The following NHSL2 variants were observed in gnomAD, a reference collection of about 807,000 sequenced individuals.
NHSL2 encodes NHS-like protein 2.
NHSL2 carries 27 observed loss-of-function variants against 53.4 expected under a neutral mutation model. The observed-to-expected ratio is 0.51, with a 90% CI of 0.37 to 0.70. The LOEUF (loss-of-function observed/expected upper bound fraction) is 0.70, where lower values mean the gene tolerates loss of function less well. Ranked by LOEUF, NHSL2 falls within the 30% of genes least tolerant of loss-of-function variation. The probability of loss-of-function intolerance (pLI) is 0.00; values close to 1 mark genes in which losing one functional copy is unlikely to be tolerated. For synonymous variants in NHSL2, 408 were observed against 404.1 expected (o/e 1.01, Z -0.12); for missense variants, 892 against 980.1 (o/e 0.91, Z 1.20).
At chrX:72,059,615 G>A (rs1041424405) in intron 1 of NHSL2, among the ~76,000 whole-genome samples, 2 of 111,518 alleles carry the variant, frequency 1.8e-5, no homozygotes, top group Non-Finnish European at 3.8e-5. Context: ...TTTCGAGTTC[G>A]ACATCACCTT....
At position 72,099,361 on chromosome X, in the gene NHSL2, ATT is replaced by A. The variant is rs753132294; in HGVS notation, c.281-32697_281-32696del. Among the ~76,000 whole-genome samples the A allele has an allele frequency of 2.8e-4, 24 of 84,324 alleles. No homozygotes were observed. In the East Asian group the frequency reaches 8.3e-3, roughly 29 times the overall value. 73.2% of individuals were successfully genotyped at this position (84,324 alleles called of 115,157 possible). On this transcript the variant is annotated intron_variant, in intron 1 of 7. Coordinates refer to ENST00000633930, the MANE Select transcript of NHSL2 (RefSeq NM_001013627.3). ...GGCACCAGTATCCCCTTGTGTAGGAATTTTTTTTTTTTTTTTTTTTTTGAGAC... is the reference window on the plus strand; with the variant it reads ...GGCACCAGTATCCCCTTGTGTAGGAATTTTTTTTTTTTTTTTTTTTGAGAC...
At chrX:71,998,014 T>A (rs1473280001) in intron 1 of NHSL2, among the ~76,000 whole-genome samples, 2 of 112,222 alleles carry the variant, frequency 1.8e-5, no homozygotes, top group African/African-American at 6.5e-5. Flanking sequence ...AAGTTCTAAG[T>A]CAAGGTACTG....
chrX:72,064,309 T>G (rs1414352359), intron 1 of NHSL2, among the ~76,000 whole-genome samples: 2 of 111,809 alleles, frequency 1.8e-5, no homozygotes. Context: ...CACCTGGAAA[T>G]TCCCCACACC....
intron 1 of NHSL2, among the ~76,000 whole-genome samples, chrX:71,999,173 C>G (rs1364623670): frequency 8.9e-6 from 1 of 112,022 alleles, no homozygotes; most frequent in Non-Finnish European, 1.9e-5. Flanking sequence ...AATGCTCCAC[C>G]ACATTCTATT....
intron 1 of NHSL2, among the ~76,000 whole-genome samples, chrX:72,065,373 C>T (rs550903188): frequency 8.9e-5 from 10 of 112,306 alleles, no homozygotes; most frequent in African/African-American, 2.6e-4. Context: ...TTCATGAATA[C>T]GTGGAAGATT....
At chrX:71,941,990 C>T (rs2041768168) in intron 1 of NHSL2, among the ~76,000 whole-genome samples, 1 of 110,158 alleles carries the variant, frequency 9.1e-6, no homozygotes, top group Non-Finnish European at 1.9e-5. Context: ...TTGCTCAGTC[C>T]TCGGTTTCTA....
rs1480396613 is a variant in NHSL2 at position 72,030,678 on chromosome X, G to C, written c.281-101401G>C. Among the ~76,000 whole-genome samples, 3 of 112,063 alleles carry C rather than the reference G, an allele frequency of 2.7e-5. No homozygotes were observed. In the Admixed American group the frequency reaches 2.8e-4, roughly 11 times the overall value. ...TGGTAAATGTTTAACAACCAGTTCT[G>C]GTGTGTGTAATGGGGTGCCCTGCTT... On this transcript the variant is annotated intron_variant, in intron 1 of 7. Coordinates refer to ENST00000633930, the MANE Select transcript of NHSL2 (RefSeq NM_001013627.3).
At chrX:72,125,082 G>GAAA (rs2042212793) in intron 1 of NHSL2, among the ~76,000 whole-genome samples, 1 of 74,272 alleles carries the variant, frequency 1.3e-5, no homozygotes, top group Non-Finnish European at 3.2e-5. Flanking sequence ...CTGTGATTCT[G>GAAA]ACCGATCTCC....
chrX:72,108,872 C>T (rs1022972346), intron 1 of NHSL2, among the ~76,000 whole-genome samples: 25 of 111,393 alleles, frequency 2.2e-4, no homozygotes, highest in Non-Finnish European at 7.5e-5. Flanking sequence ...TCAGGTATGT[C>T]GAGCATCAAA....
chrX:72,034,488 C>T (rs5991893), intron 1 of NHSL2, among the ~76,000 whole-genome samples: 1,378 of 111,681 alleles, frequency 0.012, 11 homozygotes, highest in Non-Finnish European at 0.021. Flanking sequence ...CTGTAAGAGA[C>T]TGTGTAAAAT....
At chrX:71,939,574 T>A (rs1214584842) in intron 1 of NHSL2, among the ~76,000 whole-genome samples, 2 of 111,664 alleles carry the variant, frequency 1.8e-5, no homozygotes, top group Non-Finnish European at 3.8e-5. Flanking sequence ...AGAGCAGTGA[T>A]GGGAGAATAG....
At chrX:71,936,706 T>A (rs753007508) in intron 1 of NHSL2, among the ~76,000 whole-genome samples, 57 of 112,012 alleles carry the variant, frequency 5.1e-4, no homozygotes, top group Middle Eastern at 4.6e-3. Flanking sequence ...AACGAAGGTG[T>A]CTGCTGTGGT....
chrX:71,964,029 A>G (rs55772028), intron 1 of NHSL2, among the ~76,000 whole-genome samples: 597 of 31,886 alleles, frequency 0.019, 39 homozygotes, highest in East Asian at 0.033. Flanking sequence ...ATATATGTGT[A>G]TATATATATA....
At chrX:71,912,562 C>A (rs1391648792) in intron 1 of NHSL2, among the ~76,000 whole-genome samples, 1 of 111,340 alleles carries the variant, frequency 9.0e-6, no homozygotes, top group Non-Finnish European at 1.9e-5. Flanking sequence ...GGAGTCAGGC[C>A]CTGGCACCTC....
At chrX:71,933,466 A>G (rs1165990348) in intron 1 of NHSL2, among the ~76,000 whole-genome samples, 1 of 110,931 alleles carries the variant, frequency 9.0e-6, no homozygotes, top group Non-Finnish European at 1.9e-5. Context: ...GAAATGAAAA[A>G]CTAGGAGAAA....
intron 1 of NHSL2, among the ~76,000 whole-genome samples, chrX:72,064,087 C>G (rs758878424): frequency 9.0e-6 from 1 of 111,559 alleles, no homozygotes; most frequent in Non-Finnish European, 1.9e-5. Flanking sequence ...GAGAACACTT[C>G]ATCAGGGCTA....
At chrX:71,941,025 C>T (rs1433511767) in intron 1 of NHSL2, among the ~76,000 whole-genome samples, 4 of 111,527 alleles carry the variant, frequency 3.6e-5, no homozygotes, top group Admixed American at 1.9e-4. Context: ...GTGCGGATGT[C>T]GGTAAGGGAG....
At chrX:72,089,412 A>C (rs2041877620) in intron 1 of NHSL2, among the ~76,000 whole-genome samples, 1 of 111,431 alleles carries the variant, frequency 9.0e-6, no homozygotes, top group Non-Finnish European at 1.9e-5. Flanking sequence ...TCCCTGGGGT[A>C]CTCACTCGCT....
intron 1 of NHSL2, among the ~76,000 whole-genome samples, chrX:72,106,761 C>CATGGAAT (rs2042044383): frequency 2.7e-5 from 3 of 112,016 alleles, no homozygotes; most frequent in Non-Finnish European, 5.6e-5. Flanking sequence ...GGCACATACA[C>CATGGAAT]ACTATGGAAT....
Sources: allele counts gnomAD v4.1 joint callset (sites outside exome capture counted in the v4.1 genomes callset), GRCh38; gene constraint gnomAD v4.1.1; transcripts MANE v1.5; gene names NCBI Gene and HGNC (gene_info 2026-07-23, HGNC 2026-07-21).